Variants in SOX5 observed in about 807,000 individuals in gnomAD.
The protein encoded by SOX5 is SRY-box transcription factor 5.
In SOX5, 9 loss-of-function variants were observed where a neutral mutation model predicts 92.0. The ratio of observed to expected loss-of-function variants is 0.10; its 90% CI spans 0.06 to 0.17. The LOEUF (loss-of-function observed/expected upper bound fraction) is 0.17. Among genes scored for constraint, SOX5 ranks in the 10% least tolerant of loss-of-function variants. SOX5 has a pLI of 1.00. For synonymous variants in SOX5, 344 were observed against 336.3 expected, an observed-to-expected ratio of 1.02 and a Z score of -0.25; for missense variants, 642 against 944.5, an observed-to-expected ratio of 0.68 and a Z score of 4.20.
intron 1 of SOX5, among the ~76,000 whole-genome samples, chr12:24,497,808 A>G (rs1252568436): frequency 2.0e-5 from 3 of 152,232 alleles, no homozygotes; most frequent in African/African-American, 7.2e-5. Context: ...CCAAATGTCC[A>G]TCAATGGTAG....
At chr12:23,562,937 A>T (rs1946464505) in intron 11 of SOX5, among the ~76,000 whole-genome samples, 1 of 152,188 alleles carries the variant, frequency 6.6e-6, no homozygotes, top group African/African-American at 2.4e-5. Flanking sequence ...CCCCAAATAC[A>T]AGTTAAGCAT....
intron 3 of SOX5, among the ~76,000 whole-genome samples, chr12:24,262,643 T>C (rs967073613): frequency 5.9e-5 from 9 of 152,198 alleles, no homozygotes; most frequent in Admixed American, 1.3e-4. Flanking sequence ...AGAAGTGAGT[T>C]GTTAACCTTT....
At chr12:24,116,132 C>T (rs1211382791) in intron 4 of SOX5, among the ~76,000 whole-genome samples, 2 of 152,074 alleles carry the variant, frequency 1.3e-5, no homozygotes, top group Non-Finnish European at 2.9e-5. Context: ...GAGTTCAATC[C>T]TCTTCTTTCA....
intron 1 of SOX5, among the ~76,000 whole-genome samples, chr12:24,430,069 T>C (rs1056382654): frequency 6.6e-6 from 1 of 152,222 alleles, no homozygotes; most frequent in African/African-American, 2.4e-5. Flanking sequence ...TTAATCACTT[T>C]TGAAAATCTT....
intron 2 of SOX5, among the ~76,000 whole-genome samples, chr12:24,346,609 T>C (rs1392587079): frequency 6.6e-6 from 1 of 152,046 alleles, no homozygotes; most frequent in African/African-American, 2.4e-5. Flanking sequence ...CGTGCCACCA[T>C]GTCCAGCTAA....
intron 2 of SOX5, among the ~76,000 whole-genome samples, chr12:24,299,123 A>G: frequency 6.6e-6 from 1 of 152,018 alleles, no homozygotes; most frequent in East Asian, 1.9e-4. Flanking sequence ...AGATTTTATT[A>G]CCAATACAAA....
At chr12:24,255,432 T>C (rs1408618129) in intron 3 of SOX5, among the ~76,000 whole-genome samples, 2 of 152,198 alleles carry the variant, frequency 1.3e-5, no homozygotes, top group African/African-American at 4.8e-5. Flanking sequence ...TAGCAAACCT[T>C]TAAGTACTAC....
Position 23,991,518 on chromosome 12 carries a change from A to AT in SOX5, c.-1-95495dup, listed in dbSNP as rs140917639. On this transcript the variant is annotated intron_variant, in intron 4 of 4. Coordinates refer to the SOX5 transcript ENST00000446891. ...AATGAATTACCAAAAATTTTAAAAT[A>AT]TTTTTCCGATTTTCCAGTTATAAAA... 2.3e-3 allele frequency among the ~76,000 whole-genome samples: 357 copies of AT among 152,126 alleles called. 1 individual carries two copies. The highest frequency in any genetic ancestry group is 4.3e-3 in the Non-Finnish European group (292 of 67,980).
intron 1 of SOX5, among the ~76,000 whole-genome samples, chr12:24,443,606 T>C (rs1162967767): frequency 1.3e-5 from 2 of 152,228 alleles, no homozygotes; most frequent in African/African-American, 2.4e-5. Context: ...ACATAGAAGA[T>C]GCTAGAACAA....
At chr12:24,521,056 A>AT (rs528826804) in intron 1 of SOX5, among the ~76,000 whole-genome samples, 5 of 150,848 alleles carry the variant, frequency 3.3e-5, no homozygotes, top group East Asian at 1.9e-4. Context: ...CAATAGTAGA[A>AT]TTTTTTTTTT....
At chr12:23,570,924 AAAAAAAAT>A (rs1815218347) in intron 10 of SOX5, among the ~76,000 whole-genome samples, 1 of 42,574 alleles carries the variant, frequency 2.3e-5, no homozygotes, top group African/African-American at 9.8e-5. Flanking sequence ...AAAAAAAAAA[AAAAAAAAT>A]ATATATATAT....
At chr12:23,693,842 T>C (rs573342610) in intron 6 of SOX5, among the ~76,000 whole-genome samples, 71 of 152,322 alleles carry the variant, frequency 4.7e-4, no homozygotes, top group African/African-American at 1.6e-3. Context: ...CACAGAGACT[T>C]AGAATTATTA....
intron 3 of SOX5, among the ~76,000 whole-genome samples, chr12:24,268,196 C>T (rs1201443243): frequency 6.6e-6 from 1 of 152,082 alleles, no homozygotes; most frequent in Non-Finnish European, 1.5e-5. Context: ...TTGAAACACC[C>T]AGAAAATAAG....
At chr12:23,951,902 C>G (rs1024892050), upstream of SOX5, among the ~76,000 whole-genome samples, 18 of 152,102 alleles carry the variant, frequency 1.2e-4, no homozygotes, top group Admixed American at 2.6e-4. Flanking sequence ...AACCTACTCC[C>G]ACACAGAAAA....
intron 4 of SOX5, among the ~76,000 whole-genome samples, chr12:24,179,750 G>C (rs1279870421): frequency 6.6e-6 from 1 of 152,056 alleles, no homozygotes; most frequent in African/African-American, 2.4e-5. Flanking sequence ...AAGCTATGGT[G>C]TTCATAGGTT....
At chr12:23,909,519 C>T (rs548634435) in intron 1 of SOX5, among the ~76,000 whole-genome samples, 3 of 152,180 alleles carry the variant, frequency 2.0e-5, no homozygotes, top group African/African-American at 7.2e-5. Context: ...AAAAGAAAAA[C>T]TTAATCAAAT....
chr12:23,947,701 G>GAA (rs546315214), intron 1 of SOX5, among the ~76,000 whole-genome samples: 2 of 140,078 alleles, frequency 1.4e-5, no homozygotes, highest in African/African-American at 5.2e-5. Flanking sequence ...GCCTCTGGGT[G>GAA]AAAAAAAAAA....
intron 3 of SOX5, among the ~76,000 whole-genome samples, chr12:23,756,657 C>T (rs1334806609): frequency 1.3e-5 from 2 of 151,850 alleles, no homozygotes; most frequent in African/African-American, 4.8e-5. Context: ...AGATAAGTGT[C>T]CCAGTATGCT....
At chr12:24,173,626 G>A (rs565803109) in intron 4 of SOX5, among the ~76,000 whole-genome samples, 8 of 151,668 alleles carry the variant, frequency 5.3e-5, no homozygotes, top group African/African-American at 1.5e-4. Context: ...TATCAATCTT[G>A]GGTGCACAGA....
Sources: allele counts gnomAD v4.1 joint callset (sites outside exome capture counted in the v4.1 genomes callset), GRCh38; gene constraint gnomAD v4.1.1; transcripts MANE v1.5; gene names NCBI Gene and HGNC (gene_info 2026-07-23, HGNC 2026-07-21).